Variants in KCNIP1 observed in about 807,000 individuals in gnomAD.
KCNIP1 encodes the protein potassium voltage-gated channel interacting protein 1.
Under a neutral mutation model 33.0 loss-of-function variants are expected in KCNIP1, and 18 were observed. That is an observed-to-expected ratio of 0.55 (90% CI 0.38 to 0.81). KCNIP1 has a LOEUF of 0.81. Among genes scored for constraint, KCNIP1 ranks in the 30% least tolerant of loss-of-function variants. The probability of loss-of-function intolerance (pLI) is 0.00; values close to 1 mark genes in which losing one functional copy is unlikely to be tolerated. For missense variants in KCNIP1, 238 were observed against 271.6 expected, an observed-to-expected ratio of 0.88 and a Z score of 0.87; for synonymous variants, 93 against 98.3, an observed-to-expected ratio of 0.95 and a Z score of 0.32.
At chr5:170,607,046 C>T (rs1257012784) in intron 1 of KCNIP1, among the ~76,000 whole-genome samples, 1 of 152,236 alleles carries the variant, frequency 6.6e-6, no homozygotes, top group Non-Finnish European at 1.5e-5. Context: ...CGGGCAATGC[C>T]TCAAGCCTCC....
chr5:170,465,406 T>G (rs1756587439), intron 1 of KCNIP1, among the ~76,000 whole-genome samples: 1 of 152,190 alleles, frequency 6.6e-6, no homozygotes. Flanking sequence ...ACTGAGCTTT[T>G]CCAAGCTGTT....
At chr5:170,680,437 C>G (rs1372337863) in intron 1 of KCNIP1, 2 of 152,162 alleles carry the variant, frequency 1.3e-5, no homozygotes, top group Non-Finnish European at 2.9e-5. Flanking sequence ...GCCTGATTAC[C>G]CATCTAATAA....
intron 1 of KCNIP1, among the ~76,000 whole-genome samples, chr5:170,650,210 T>C (rs746815727): frequency 6.6e-6 from 1 of 152,228 alleles, no homozygotes; most frequent in Admixed American, 6.5e-5. Flanking sequence ...ATTAAACATA[T>C]CTGATTTTAT....
intron 1 of KCNIP1, among the ~76,000 whole-genome samples, chr5:170,538,503 C>G (rs1448123579): frequency 2.6e-5 from 4 of 151,914 alleles, no homozygotes; most frequent in Non-Finnish European, 4.4e-5. Flanking sequence ...GATTTTGGAC[C>G]CTGTTGGAAT....
In KCNIP1 at chr5:170,492,755, C is replaced by CTATTTATTTATT. The variant is rs75367874; in HGVS notation, c.88+138805_88+138816dup. On this transcript the variant is annotated intron_variant, in intron 1 of 7. Transcript: ENST00000377360. ...TGGGAGACAGAGACCAAATATCTAT[C>CTATTTATTTATT]TATTTATTTATTTATTTATTTATTT... 3.1e-3 allele frequency among the ~76,000 whole-genome samples: 460 copies of CTATTTATTTATT among 150,462 alleles called. 6 individuals are homozygous for CTATTTATTTATT. Among genetic ancestry groups the CTATTTATTTATT allele is most frequent in the African/African-American group, 1.0e-2 (407 of 40,768 alleles).
At chr5:170,625,009 T>C (rs1258350981) in intron 1 of KCNIP1, among the ~76,000 whole-genome samples, 1 of 152,186 alleles carries the variant, frequency 6.6e-6, no homozygotes, top group Non-Finnish European at 1.5e-5. Flanking sequence ...GAGAGGGCTC[T>C]CTTCCAGTCT....
intron 1 of KCNIP1, among the ~76,000 whole-genome samples, chr5:170,396,330 T>C (rs1453205453): frequency 6.6e-6 from 1 of 152,216 alleles, no homozygotes; most frequent in Non-Finnish European, 1.5e-5. Context: ...AATGGACTGC[T>C]ATGCTCACTC....
chr5:170,407,733 C>T (rs1755073490), intron 1 of KCNIP1, among the ~76,000 whole-genome samples: 1 of 152,178 alleles, frequency 6.6e-6, no homozygotes, highest in Admixed American at 6.5e-5. Context: ...GAGGGCAGGG[C>T]AAACTTGGAC....
At chr5:170,388,186 A>G (rs896487489) in intron 1 of KCNIP1, among the ~76,000 whole-genome samples, 1 of 152,230 alleles carries the variant, frequency 6.6e-6, no homozygotes, top group Non-Finnish European at 1.5e-5. Flanking sequence ...AGAAGTCTGG[A>G]AACTTGGCTT....
chr5:170,630,069 A>G (rs1449532585), intron 1 of KCNIP1, among the ~76,000 whole-genome samples: 6 of 152,202 alleles, frequency 3.9e-5, no homozygotes, highest in Non-Finnish European at 8.8e-5. Flanking sequence ...GGGCTCCTCC[A>G]GCAAAGAGCA....
intron 1 of KCNIP1, among the ~76,000 whole-genome samples, chr5:170,624,727 G>GGGGGGGT (rs1287768242): frequency 2.4e-4 from 23 of 97,424 alleles, no homozygotes; most frequent in Middle Eastern, 4.5e-3. Context: ...AGGAGACCGG[G>GGGGGGGT]GAGGTGGGGG....
chr5:170,466,709 T>C (rs1250247078), intron 1 of KCNIP1, among the ~76,000 whole-genome samples: 1 of 152,156 alleles, frequency 6.6e-6, no homozygotes, highest in African/African-American at 2.4e-5. Flanking sequence ...GGCTATGTTC[T>C]CACATGGTAG....
intron 1 of KCNIP1, among the ~76,000 whole-genome samples, chr5:170,619,475 G>T (rs1332005965): frequency 6.6e-6 from 1 of 152,206 alleles, no homozygotes; most frequent in Non-Finnish European, 1.5e-5. Flanking sequence ...AGGTAAGGAG[G>T]TCTGCTAGAT....
At chr5:170,394,257 C>T (rs2113371466) in intron 1 of KCNIP1, among the ~76,000 whole-genome samples, 1 of 152,320 alleles carries the variant, frequency 6.6e-6, no homozygotes, top group South Asian at 2.1e-4. Flanking sequence ...TCTGCTTCCG[C>T]ATGCTGGGAG....
At chr5:170,498,418 C>G (rs1158134521) in intron 1 of KCNIP1, among the ~76,000 whole-genome samples, 1 of 152,154 alleles carries the variant, frequency 6.6e-6, no homozygotes, top group Non-Finnish European at 1.5e-5. Flanking sequence ...TATCTACTTC[C>G]CTGCCCTCTG....
intron 1 of KCNIP1, among the ~76,000 whole-genome samples, chr5:170,532,435 C>G (rs1755820852): frequency 6.6e-6 from 1 of 152,224 alleles, no homozygotes; most frequent in Non-Finnish European, 1.5e-5. Flanking sequence ...CTCCCCTCAT[C>G]TCAGATCACA....
intron 2 of KCNIP1, among the ~76,000 whole-genome samples, chr5:170,719,637 A>G (rs1336685117): frequency 6.6e-6 from 1 of 152,200 alleles, no homozygotes; most frequent in Non-Finnish European, 1.5e-5. Flanking sequence ...GAGCTGGGTC[A>G]GTTCCAAACT....
At chr5:170,437,696 C>T (rs1755896816) in intron 1 of KCNIP1, among the ~76,000 whole-genome samples, 1 of 152,146 alleles carries the variant, frequency 6.6e-6, no homozygotes, top group Admixed American at 6.5e-5. Flanking sequence ...GCCCTTGAGC[C>T]CTGAGCAGCC....
intron 1 of KCNIP1, among the ~76,000 whole-genome samples, chr5:170,529,958 C>T (rs1368461819): frequency 1.3e-5 from 2 of 152,166 alleles, no homozygotes; most frequent in Non-Finnish European, 2.9e-5. Context: ...ACTTCCTGCT[C>T]ACTTATTAAA....
Sources: gnomAD v4.1 joint callset for allele counts (sites outside exome capture counted in the v4.1 genomes callset) on GRCh38, gnomAD v4.1.1 for gene constraint, MANE v1.5 for transcripts, NCBI Gene and HGNC (gene_info 2026-07-23, HGNC 2026-07-21) for gene names.